The following ALCAM variants were observed in gnomAD, a reference collection of about 807,000 sequenced individuals.
ALCAM encodes the protein CD166 antigen.
ALCAM carries 30 observed loss-of-function variants against 70.9 expected under a neutral mutation model. The ratio of observed to expected loss-of-function variants is 0.42; its 90% CI spans 0.32 to 0.57. ALCAM has a LOEUF of 0.57. ALCAM is among the 20% of genes least tolerant of loss of function. ALCAM has a pLI of 0.11. For missense variants in ALCAM, 591 were observed against 695.1 expected (o/e 0.85, Z 1.68); for synonymous variants, 249 against 242.5 (o/e 1.03, Z -0.25).
At chr3:105,368,354 C>T (rs1935135723) in intron 1 of ALCAM, among the ~76,000 whole-genome samples, 1 of 152,078 alleles carries the variant, frequency 6.6e-6, no homozygotes. Context: ...ATCCTCAGGC[C>T]CGCCTGGCGG....
intron 1 of ALCAM, among the ~76,000 whole-genome samples, chr3:105,487,692 G>GT (rs1938470505): frequency 6.6e-6 from 1 of 152,172 alleles, no homozygotes; most frequent in South Asian, 2.1e-4. Context: ...CCTCTTAAGA[G>GT]TAAGTATAGG....
intron 1 of ALCAM, among the ~76,000 whole-genome samples, chr3:105,373,940 A>G (rs1935309093): frequency 6.6e-6 from 1 of 152,212 alleles, no homozygotes; most frequent in South Asian, 2.1e-4. Context: ...TGGAAAATAA[A>G]ACCATCATGA....
intron 1 of ALCAM, among the ~76,000 whole-genome samples, chr3:105,430,594 G>T (rs987362866): frequency 6.6e-6 from 1 of 152,058 alleles, no homozygotes; most frequent in Non-Finnish European, 1.5e-5. Context: ...ATTTACTACT[G>T]TCCTTGATCC....
At chr3:105,392,122 T>C (rs1935837859) in intron 1 of ALCAM, among the ~76,000 whole-genome samples, 1 of 152,100 alleles carries the variant, frequency 6.6e-6, no homozygotes, top group African/African-American at 2.4e-5. Flanking sequence ...TTTCAGTTTT[T>C]GGAATAGTTT....
intron 2 of ALCAM, among the ~76,000 whole-genome samples, chr3:105,522,425 T>C (rs748099131): frequency 6.6e-6 from 1 of 152,184 alleles, no homozygotes; most frequent in Admixed American, 6.5e-5. Context: ...ATAGAGCATT[T>C]GCAATGCTCT....
intron 1 of ALCAM, among the ~76,000 whole-genome samples, chr3:105,504,042 G>C (rs577581960): frequency 2.6e-5 from 4 of 152,306 alleles, no homozygotes; most frequent in Admixed American, 6.5e-5. Flanking sequence ...TGTATGAAAA[G>C]CACTTTTTTA....
Position 105,534,677 on chromosome 3 carries a change from T to C in ALCAM, c.562T>C (p.Phe188Leu), listed in dbSNP as rs770238326. 3.7e-6 allele frequency: 6 copies of C among 1,613,506 alleles called. No individual in the cohort carries two copies. In the African/African-American group the frequency reaches 6.7e-5, roughly 18 times the overall value. The change falls in exon 6 of 16, where the codon TTT becomes CTT. Residue 188 changes from phenylalanine (F) to leucine (L), a missense_variant. Around this residue, in one of 2 missense-constraint regions of ALCAM, gnomAD observed 427 missense variants for 450.4 expected, o/e 0.95. Transcript: ENST00000306107. ...ATTTTCTTCAGCGGTGGTCATAATT[T>C]TTAAAAAGGAAATGGACCCAGTGAC... ...HPLEGAVVII[F>L]KKEMDPVTQL...
chr3:105,525,700 C>G (rs1182059860), intron 3 of ALCAM, among the ~76,000 whole-genome samples: 2 of 152,160 alleles, frequency 1.3e-5, no homozygotes, highest in African/African-American at 4.8e-5. Flanking sequence ...TTCAAAGCTC[C>G]TATGGGCTCA....
chr3:105,511,274 C>G (rs1025003028), intron 1 of ALCAM, among the ~76,000 whole-genome samples: 1 of 152,066 alleles, frequency 6.6e-6, no homozygotes, highest in Non-Finnish European at 1.5e-5. Context: ...TGAGGTGACA[C>G]ACCATCTCTT....
At chr3:105,396,019 G>A (rs990784311) in intron 1 of ALCAM, among the ~76,000 whole-genome samples, 2 of 151,990 alleles carry the variant, frequency 1.3e-5, no homozygotes, top group African/African-American at 4.8e-5. Context: ...CATTGGAGGA[G>A]GGGAATTTGA....
chr3:105,371,160 T>C (rs956552859), intron 1 of ALCAM, among the ~76,000 whole-genome samples: 3 of 152,174 alleles, frequency 2.0e-5, no homozygotes, highest in South Asian at 4.1e-4. Flanking sequence ...ATGTCTACCA[T>C]TGACTTATCA....
At chr3:105,485,453 A>C (rs910060769) in intron 1 of ALCAM, among the ~76,000 whole-genome samples, 2 of 152,034 alleles carry the variant, frequency 1.3e-5, no homozygotes, top group Admixed American at 1.3e-4. Context: ...TAACCAAAAA[A>C]TATGAATTTG....
chr3:105,563,016 G>A (rs1471861893), intron 14 of ALCAM, among the ~76,000 whole-genome samples: 1 of 151,944 alleles, frequency 6.6e-6, no homozygotes, highest in Non-Finnish European at 1.5e-5. Flanking sequence ...ATGTTGGTCA[G>A]GCTTGTCTCA....
Position 105,560,894 on chromosome 3 carries a change from T to C in ALCAM, c.1664+8309T>C, listed in dbSNP as rs570230445. 5.9e-5 allele frequency among the ~76,000 whole-genome samples: 9 copies of C among 152,312 alleles called. No homozygotes were observed. In the South Asian group the frequency reaches 1.7e-3, roughly 28 times the overall value. ...GTTTCAGAGGTCTTATTTCTTTGCA[T>C]GTTCATATAAATTTTAGCAACTTGC... On this transcript the variant is annotated intron_variant, in intron 14 of 15. Transcript: ENST00000306107.
intron 14 of ALCAM, among the ~76,000 whole-genome samples, chr3:105,563,748 C>T (rs1179596598): frequency 1.6e-5 from 2 of 123,888 alleles, no homozygotes; most frequent in Non-Finnish European, 3.2e-5. Context: ...ACTGCAGTGG[C>T]GCAATCTCGG....
chr3:105,403,316 A>G (rs1410298265), intron 1 of ALCAM, among the ~76,000 whole-genome samples: 7 of 152,086 alleles, frequency 4.6e-5, no homozygotes, highest in Non-Finnish European at 1.0e-4. Context: ...CACTAAATAA[A>G]AACACAACCA....
At chr3:105,566,189 T>C (rs1431496948) in intron 14 of ALCAM, among the ~76,000 whole-genome samples, 1 of 152,172 alleles carries the variant, frequency 6.6e-6, no homozygotes, top group African/African-American at 2.4e-5. Flanking sequence ...TCAAGAGAGG[T>C]CCTGGAACCA....
intron 9 of ALCAM, 110 bp downstream of exon 9, chr3:105,545,445 C>A: frequency 1.5e-6 from 1 of 682,908 alleles, no homozygotes; most frequent in South Asian, 1.8e-5. Flanking sequence ...TGTTTATATA[C>A]CAGCTCTCTC....
At chr3:105,381,714 T>A (rs1576122385) in intron 1 of ALCAM, among the ~76,000 whole-genome samples, 1 of 151,766 alleles carries the variant, frequency 6.6e-6, no homozygotes, top group Non-Finnish European at 1.5e-5. Context: ...TCGAAAGACA[T>A]TTATGTAGAC....
Sources: gnomAD v4.1 joint callset for allele counts (sites outside exome capture counted in the v4.1 genomes callset) on GRCh38, gnomAD v4.1.1 for gene constraint, gnomAD v4.1.1 regional missense constraint, MANE v1.5 for transcripts, NCBI Gene and HGNC (gene_info 2026-07-23, HGNC 2026-07-21) for gene names.